The following MBNL1 variants were observed in gnomAD, a reference collection of about 807,000 sequenced individuals.
MBNL1 encodes muscleblind like splicing regulator 1, also known as muscleblind-like protein 1.
In MBNL1, 8 loss-of-function variants were observed where a neutral mutation model predicts 42.2. That is an observed-to-expected ratio of 0.19 (90% CI 0.11 to 0.34). MBNL1 has a LOEUF of 0.34. Among genes scored for constraint, MBNL1 ranks in the 10% least tolerant of loss-of-function variants. The pLI, the probability that MBNL1 is intolerant of heterozygous loss-of-function variation, is 1.00. For synonymous variants in MBNL1, 169 were observed against 173.9 expected (o/e 0.97, Z 0.22); for missense variants, 309 against 495.3 (o/e 0.62, Z 3.57).
intron 2 of MBNL1, among the ~76,000 whole-genome samples, chr3:152,337,010 A>G (rs1017292046): frequency 1.3e-5 from 2 of 152,174 alleles, no homozygotes; most frequent in African/African-American, 2.4e-5. Context: ...GAGAGTTCCT[A>G]AATGATTTTG....
At chr3:152,407,073 T>TGTGTGTGTGTGTG (rs57861310) in intron 2 of MBNL1, among the ~76,000 whole-genome samples, 9,519 of 148,838 alleles carry the variant, frequency 0.064, 383 homozygotes, top group Middle Eastern at 0.082. Flanking sequence ...GTGTGTGTGT[T>TGTGTGTGTGTGTG]TGTGTGAACT....
chr3:152,322,132 C>T (rs2076831819), intron 2 of MBNL1, among the ~76,000 whole-genome samples: 1 of 152,016 alleles, frequency 6.6e-6, no homozygotes, highest in Non-Finnish European at 1.5e-5. Context: ...AGAACTCTGT[C>T]ATACTCCTAA....
intron 9 of MBNL1, among the ~76,000 whole-genome samples, chr3:152,461,769 C>T (rs908708783): frequency 1.1e-4 from 16 of 152,096 alleles, no homozygotes; most frequent in Non-Finnish European, 2.2e-4. Flanking sequence ...ACTGTTAATC[C>T]ACAAGTACAT....
intron 2 of MBNL1, among the ~76,000 whole-genome samples, chr3:152,359,495 G>A (rs2095786639): frequency 6.6e-6 from 1 of 152,156 alleles, no homozygotes; most frequent in African/African-American, 2.4e-5. Flanking sequence ...GCTGATTTCT[G>A]TGGTGCAGGC....
intron 2 of MBNL1, among the ~76,000 whole-genome samples, chr3:152,254,990 A>C (rs751669065): frequency 3.9e-5 from 6 of 152,184 alleles, no homozygotes; most frequent in Non-Finnish European, 7.4e-5. Flanking sequence ...TATATGGCCT[A>C]TACCACTTAA....
chr3:152,263,333 T>C (rs1333520274), upstream of MBNL1: 1 of 152,214 alleles, frequency 6.6e-6, no homozygotes, highest in East Asian at 1.9e-4. Context: ...ACTGCTGATA[T>C]CAAAATATTC....
upstream of MBNL1, chr3:152,264,350 G>GA (rs1164823339): frequency 6.6e-6 from 1 of 151,604 alleles, no homozygotes; most frequent in South Asian, 2.1e-4. Context: ...AAGAAAGGAT[G>GA]AAAAAATAGA....
chr3:152,432,975 G>GT (rs1474820068), intron 4 of MBNL1, 55 bp downstream of exon 4: 11 of 1,515,380 alleles, frequency 7.3e-6, no homozygotes, highest in South Asian at 6.0e-5. Flanking sequence ...TCAAAGTGTG[G>GT]TTTTTTGTTT....
At chr3:152,362,101 T>C (rs556161991) in intron 2 of MBNL1, among the ~76,000 whole-genome samples, 3 of 152,240 alleles carry the variant, frequency 2.0e-5, no homozygotes, top group Non-Finnish European at 4.4e-5. Context: ...CAAAACTCTT[T>C]CTGTTGAGTA....
intron 2 of MBNL1, among the ~76,000 whole-genome samples, chr3:152,256,535 G>A (rs753003798): frequency 3.9e-5 from 6 of 152,044 alleles, no homozygotes; most frequent in Admixed American, 1.3e-4. Context: ...AAAAGTAGAC[G>A]TAAATTACTC....
chr3:152,332,737 TGTGCGCGC>T (rs1182964824), intron 2 of MBNL1, among the ~76,000 whole-genome samples: 8 of 104,650 alleles, frequency 7.6e-5, no homozygotes, highest in African/African-American at 3.0e-4. Flanking sequence ...TGTGTGTGTG[TGTGCGCGC>T]GCGCATGCGC....
chr3:152,411,154 G>A (rs146589199), intron 2 of MBNL1, among the ~76,000 whole-genome samples: 15 of 152,230 alleles, frequency 9.9e-5, no homozygotes, highest in Admixed American at 2.6e-4. Flanking sequence ...AAGTAACATA[G>A]CTACAATTTG....
intron 2 of MBNL1, among the ~76,000 whole-genome samples, chr3:152,305,770 T>A (rs112011332): frequency 1.0e-3 from 154 of 152,360 alleles, no homozygotes; most frequent in African/African-American, 3.6e-3. Context: ...TAAACAAGCT[T>A]GATTCTAGTG....
At chr3:152,319,612 C>CTGTTTTT (rs778784780) in intron 2 of MBNL1, among the ~76,000 whole-genome samples, 1 of 40,244 alleles carries the variant, frequency 2.5e-5, no homozygotes, top group Admixed American at 3.6e-4. Flanking sequence ...AAGTTCTATA[C>CTGTTTTT]TGTTTTTTTT....
intron 2 of MBNL1, among the ~76,000 whole-genome samples, chr3:152,326,478 A>C (rs550800959): frequency 6.6e-6 from 1 of 152,152 alleles, no homozygotes; most frequent in African/African-American, 2.4e-5. Flanking sequence ...GGATCCAATG[A>C]TTTCACCTCA....
At chr3:152,268,661 G>T (rs1426828313), upstream of MBNL1, 1 of 425,474 alleles carries the variant, frequency 2.4e-6, no homozygotes, top group Non-Finnish European at 4.7e-6. Flanking sequence ...GCGGGCTCCG[G>T]CTTCCTCCTG....
chr3:152,359,775 A>G (rs891299899), intron 2 of MBNL1, among the ~76,000 whole-genome samples: 1 of 152,216 alleles, frequency 6.6e-6, no homozygotes, highest in Non-Finnish European at 1.5e-5. Flanking sequence ...TCTTCTATTC[A>G]GATAGAAAAT....
At position 152,304,864 on chromosome 3, in the gene MBNL1, G is replaced by T. The variant is rs2062255423; in HGVS notation, c.174+4497G>T. On this transcript the variant is annotated intron_variant, in intron 2 of 9. Coordinates refer to ENST00000324210, the MANE Select transcript of MBNL1 (RefSeq NM_021038.5). ...TGTATTCATTTGCCTGTTTATATTA[G>T]AACTTTTTTAGAAAACTTTTTTTTA... Among the ~76,000 whole-genome samples, 3 of 152,226 alleles carry T rather than the reference G, an allele frequency of 2.0e-5. No homozygotes were observed. The South Asian group carries it at 6.2e-4, about 32-fold the overall frequency.
intron 2 of MBNL1, among the ~76,000 whole-genome samples, chr3:152,350,060 TAAG>T (rs2094775142): frequency 6.6e-6 from 1 of 152,016 alleles, no homozygotes; most frequent in Admixed American, 6.6e-5. Context: ...GAATGTACAG[TAAG>T]AAGAAGGAAT....
Sources: allele counts gnomAD v4.1 joint callset (sites outside exome capture counted in the v4.1 genomes callset), GRCh38; gene constraint gnomAD v4.1.1; transcripts MANE v1.5; gene names NCBI Gene and HGNC (gene_info 2026-07-23, HGNC 2026-07-21).